The following AHRR variants were observed in gnomAD, a reference collection of about 807,000 sequenced individuals.
AHRR encodes the protein ahR repressor.
A neutral mutation model predicts 44.0 loss-of-function variants in AHRR; 28 were observed. That is an observed-to-expected ratio of 0.64 (90% CI 0.47 to 0.87). AHRR has a LOEUF of 0.87. Ranked by LOEUF, AHRR falls within the 40% of genes least tolerant of loss-of-function variation. AHRR has a pLI of 0.00. For synonymous variants in AHRR, 434 were observed against 407.0 expected (o/e 1.07, Z -0.80); for missense variants, 990 against 953.9 (o/e 1.04, Z -0.50).
At chr5:432,077 T>C in intron 8 of AHRR, 1 of 257,904 alleles carries the variant, frequency 3.9e-6, no homozygotes, top group South Asian at 4.6e-5. Flanking sequence ...TGAGTTGGTC[T>C]CCAACTCACC....
intron 4 of AHRR, among the ~76,000 whole-genome samples, chr5:384,391 T>G (rs1734092404): frequency 1.3e-5 from 2 of 152,192 alleles, no homozygotes; most frequent in African/African-American, 4.8e-5. Flanking sequence ...ATATTTGTCA[T>G]ATGTATTATA....
intron 5 of AHRR, among the ~76,000 whole-genome samples, chr5:414,894 G>A (rs1445685084): frequency 1.3e-5 from 2 of 152,222 alleles, no homozygotes; most frequent in Non-Finnish European, 2.9e-5. Context: ...AGTAGCACCG[G>A]CTCAGCAACG....
intron 4 of AHRR, 31 bp from the exon 5 acceptor site, chr5:413,313 A>ATTTTTTTTTTTTTTTTTTTTTTTTT: frequency 1.5e-6 from 2 of 1,326,912 alleles, no homozygotes; most frequent in Non-Finnish European, 1.0e-6. Flanking sequence ...AGCCAATTCG[A>ATTTTTTTTTTTTTTTTTTTTTTTTT]TTTTTTTTTT....
intron 3 of AHRR, among the ~76,000 whole-genome samples, chr5:364,400 A>C (rs902022696): frequency 6.6e-6 from 1 of 152,196 alleles, no homozygotes; most frequent in Admixed American, 6.5e-5. Flanking sequence ...AAAAAGAGAA[A>C]TAAGTATATA....
chr5:426,248 A>AGATG (rs750723893), intron 7 of AHRR, among the ~76,000 whole-genome samples: 80 of 152,216 alleles, frequency 5.3e-4, no homozygotes, highest in Non-Finnish European at 8.1e-4. Flanking sequence ...ATAGATGGGA[A>AGATG]GATGGATGGA....
At chr5:432,432 C>T in intron 8 of AHRR, 31 bp from the exon 9 acceptor site, 3 of 1,605,712 alleles carry the variant, frequency 1.9e-6, no homozygotes, top group South Asian at 1.1e-5. Context: ...TCATCCGTCA[C>T]ATGTCACATG....
chr5:373,773 G>A (rs1188339910), intron 3 of AHRR, among the ~76,000 whole-genome samples: 1 of 151,330 alleles, frequency 6.6e-6, no homozygotes, highest in Non-Finnish European at 1.5e-5. Flanking sequence ...GCGCCCGCGC[G>A]GACCCCGAGC....
At chr5:427,284 C>T (rs1161002709) in intron 7 of AHRR, among the ~76,000 whole-genome samples, 2 of 152,220 alleles carry the variant, frequency 1.3e-5, no homozygotes, top group Admixed American at 6.5e-5. Flanking sequence ...TCCTAGCTTA[C>T]TTGCTGGCTT....
Position 354,026 on chromosome 5 carries a change from T to A in AHRR, c.244+115T>A. 1.8e-6 allele frequency: 2 copies of A among 1,103,066 alleles called. 1 individual carries two copies. The highest frequency in any genetic ancestry group is 2.6e-6 in the Non-Finnish European group (2 of 774,422). 68.3% of individuals were successfully genotyped at this position (1,103,066 alleles called of 1,614,324 possible). On this transcript the variant is annotated intron_variant, in intron 3 of 10. Coordinates refer to ENST00000684583, the MANE Select transcript of AHRR (RefSeq NM_001377236.1). ...GTCTGGTGGGTTGCACCATGTGCACTCCCTTCTTCCCCCACGCTGCCCCCA... is the reference window on the plus strand; with the variant it reads ...GTCTGGTGGGTTGCACCATGTGCACACCCTTCTTCCCCCACGCTGCCCCCA...
In AHRR at chr5:434,960, C is replaced by T. The variant is rs1579720390; in HGVS notation, c.*126C>T. On this transcript the variant is annotated 3_prime_UTR_variant, in exon 11 of 11. Coordinates refer to ENST00000684583, the MANE Select transcript of AHRR (RefSeq NM_001377236.1). Reference sequence around the variant, plus strand: ...CACACGCTTTGCAGAGCTGTGCATGCGCAGTCTGCTAGTGTGTGTGTGCAG... The same window carrying T: ...CACACGCTTTGCAGAGCTGTGCATGTGCAGTCTGCTAGTGTGTGTGTGCAG... 47 of 1,307,972 alleles carry T rather than the reference C, an allele frequency of 3.6e-5. No homozygotes were observed. The South Asian group carries it at 4.1e-4, about 11-fold the overall frequency. The allele number at this position is 1,307,972 out of a possible 1,614,324, so 81.0% of individuals were successfully genotyped here.
intron 4 of AHRR, among the ~76,000 whole-genome samples, chr5:385,559 A>G (rs1560901606): frequency 6.6e-6 from 1 of 152,146 alleles, no homozygotes. Flanking sequence ...TTTGTTGTCC[A>G]CTATCTTCTG....
chr5:329,880 GT>G (rs1173758605), intron 1 of AHRR, among the ~76,000 whole-genome samples: 1 of 151,974 alleles, frequency 6.6e-6, no homozygotes, highest in African/African-American at 2.4e-5. Flanking sequence ...GAATCTTTAG[GT>G]TTTTTTAGAT....
intron 8 of AHRR, among the ~76,000 whole-genome samples, chr5:429,426 T>G (rs1191501532): frequency 6.6e-6 from 1 of 152,200 alleles, no homozygotes; most frequent in Non-Finnish European, 1.5e-5. Context: ...CACTTCCTCC[T>G]GGGACAGCCT....
intron 3 of AHRR, among the ~76,000 whole-genome samples, chr5:366,777 C>T (rs1033142087): frequency 3.3e-5 from 5 of 152,196 alleles, no homozygotes; most frequent in Non-Finnish European, 5.9e-5. Flanking sequence ...TGCTGATACT[C>T]GGCTGGAGGT....
rs778138970 is a variant in AHRR, at chr5:434,411, C to A, written c.1671C>A (p.Ala557=). The change falls in exon 11 of 11, where the codon GCC becomes GCA. Residue 557 remains alanine, a synonymous_variant. Transcript: ENST00000684583. ...TGCCCAGCCAGGTGTGGCTGGGGGC[C>A]AGTGACAGGAGCCACCCAGCCACCT... ...GCVPSQVWLG[A]SDRSHPATFP... The A allele has an allele frequency of 1.2e-6, 2 of 1,613,272 alleles. No individual in the cohort carries two copies. The highest frequency in any genetic ancestry group is 8.5e-7 in the Non-Finnish European group (1 of 1,179,958).
chr5:421,779 G>C (rs1462520743), intron 5 of AHRR, among the ~76,000 whole-genome samples: 2 of 152,172 alleles, frequency 1.3e-5, no homozygotes, highest in Non-Finnish European at 2.9e-5. Context: ...CATCTTGTTC[G>C]GGGAGCCCCG....
Position 402,205 on chromosome 5 carries a change from C to T in AHRR, c.352-11139C>T, listed in dbSNP as rs191947849. Among the ~76,000 whole-genome samples, 68 of 152,342 alleles carry T rather than the reference C, an allele frequency of 4.5e-4. No homozygotes were observed. In the East Asian group the frequency reaches 5.4e-3, roughly 12 times the overall value. ...TTGTAGGTGGAAAGGTGCTCGGCAT[C>T]GCCAGGCACAGGGAAGTGCAAATGG... On this transcript the variant is annotated intron_variant, in intron 4 of 10. Coordinates refer to ENST00000684583, the MANE Select transcript of AHRR (RefSeq NM_001377236.1).
chr5:366,798 G>A (rs1020945083), intron 3 of AHRR, among the ~76,000 whole-genome samples: 3 of 152,118 alleles, frequency 2.0e-5, no homozygotes, highest in East Asian at 1.9e-4. Context: ...GCATAACTTC[G>A]GTCTAATCAC....
intron 4 of AHRR, among the ~76,000 whole-genome samples, chr5:399,815 C>T (rs933992392): frequency 6.6e-6 from 1 of 152,248 alleles, no homozygotes; most frequent in Non-Finnish European, 1.5e-5. Flanking sequence ...TTCAGTCAGC[C>T]TCCCACTCTG....
Sources: gnomAD v4.1 joint callset for allele counts (sites outside exome capture counted in the v4.1 genomes callset) on GRCh38, gnomAD v4.1.1 for gene constraint, MANE v1.5 for transcripts, NCBI Gene and HGNC (gene_info 2026-07-23, HGNC 2026-07-21) for gene names.